OXCT1: variants seen among roughly 807,000 people sequenced by gnomAD.
The protein encoded by OXCT1 is 3-oxoacid CoA-transferase 1.
OXCT1 carries 27 observed loss-of-function variants against 69.6 expected under a neutral mutation model. That is an observed-to-expected ratio of 0.39 (90% CI 0.29 to 0.54). The LOEUF is 0.54. OXCT1 is among the 20% of genes least tolerant of loss of function. The probability of loss-of-function intolerance (pLI) is 0.72; values close to 1 mark genes in which losing one functional copy is unlikely to be tolerated. For missense variants in OXCT1, 437 were observed against 650.2 expected, an observed-to-expected ratio of 0.67 and a Z score of 3.57; for synonymous variants, 202 against 217.8, an observed-to-expected ratio of 0.93 and a Z score of 0.64.
At chr5:41,774,679 A>G (rs1024342768) in intron 13 of OXCT1, among the ~76,000 whole-genome samples, 2 of 152,154 alleles carry the variant, frequency 1.3e-5, no homozygotes, top group Non-Finnish European at 2.9e-5. Flanking sequence ...GTGGATCACG[A>G]GGTCAGGAGA....
At chr5:41,731,825 C>A (rs779653264) in intron 16 of OXCT1, 55 bp from the exon 17 acceptor site, 95 of 1,563,604 alleles carry the variant, frequency 6.1e-5, no homozygotes, top group Non-Finnish European at 7.0e-5. Context: ...ATATAAATCT[C>A]TCTCCTTTTA....
intron 7 of OXCT1, among the ~76,000 whole-genome samples, chr5:41,829,729 AT>A (rs1220737091): frequency 6.6e-6 from 1 of 152,184 alleles, no homozygotes; most frequent in African/African-American, 2.4e-5. Context: ...CAGTAAGTTA[AT>A]ACTAGGCATT....
chr5:41,817,407 A>C (rs2112317378), intron 7 of OXCT1, among the ~76,000 whole-genome samples: 2 of 152,342 alleles, frequency 1.3e-5, no homozygotes, highest in South Asian at 4.1e-4. Context: ...TATTCTTCCC[A>C]GCACTTGCAT....
At chr5:41,778,584 C>G (rs1212568675) in intron 13 of OXCT1, among the ~76,000 whole-genome samples, 1 of 152,186 alleles carries the variant, frequency 6.6e-6, no homozygotes, top group African/African-American at 2.4e-5. Context: ...GCCAACTGCT[C>G]TATCTGGACC....
At chr5:41,848,748 T>C (rs1749044655) in intron 5 of OXCT1, among the ~76,000 whole-genome samples, 1 of 151,962 alleles carries the variant, frequency 6.6e-6, no homozygotes, top group South Asian at 2.1e-4. Flanking sequence ...AAGCTGAAAC[T>C]GGATCCCTTC....
In OXCT1 at chr5:41,807,358, CT is replaced by C; in HGVS notation, c.812del (p.Lys271ArgfsTer31). ...CAATTCTTTTCTCATATTTTTCTCC[CT>C]TTATAAGGCGATGTACATAAATCTG... ...IPQIYVHRLIKGEKYEKRIER... is the reference protein window; with the variant it reads ...IPQIYVHRLIXGEKYEKRIER... On this transcript the variant is annotated frameshift_variant, in exon 8 of 17. Transcript: ENST00000196371. LOFTEE classifies it high-confidence loss of function. 1 of 1,589,904 alleles carries C rather than the reference CT, an allele frequency of 6.3e-7. No individual in the cohort carries two copies. The highest frequency in any genetic ancestry group is 8.6e-7 in the Non-Finnish European group (1 of 1,158,624).
rs1043726252 is a variant in OXCT1, at chr5:41,782,074, G to T, written c.1248+11929C>A. 1.2e-3 allele frequency among the ~76,000 whole-genome samples: 181 copies of T among 151,044 alleles called. 2 individuals are homozygous for T. Among genetic ancestry groups the T allele is most frequent in the Non-Finnish European group, 1.6e-4 (11 of 67,858 alleles). On this transcript the variant is annotated intron_variant, in intron 13 of 16. Transcript: ENST00000196371. ...GAATTAATTTACACTCCCACCAACA[G>T]TGTAAAAGTGTTCCTTTTTCTCCAC...
intron 1 of OXCT1, chr5:41,869,970 G>T: frequency 7.0e-6 from 3 of 428,950 alleles, no homozygotes; most frequent in South Asian, 6.4e-5. Flanking sequence ...CAGGAGGGAA[G>T]CCGACGAGCG....
At chr5:41,784,808 T>G (rs761999664) in intron 13 of OXCT1, among the ~76,000 whole-genome samples, 1 of 152,222 alleles carries the variant, frequency 6.6e-6, no homozygotes, top group African/African-American at 2.4e-5. Flanking sequence ...TTGTAAAAAA[T>G]AGATTTAGAA....
At chr5:41,864,462 C>T (rs1749872327) in intron 1 of OXCT1, among the ~76,000 whole-genome samples, 1 of 152,090 alleles carries the variant, frequency 6.6e-6, no homozygotes, top group East Asian at 1.9e-4. Context: ...AAAGAGTTTT[C>T]CCTCTTTTCT....
intron 15 of OXCT1, among the ~76,000 whole-genome samples, chr5:41,748,993 C>T (rs1743638617): frequency 2.0e-5 from 3 of 151,934 alleles, no homozygotes; most frequent in Admixed American, 2.0e-4. Flanking sequence ...CCAATATGTT[C>T]CATCTAGTAA....
chr5:41,847,478 A>G (rs201599120), intron 5 of OXCT1, among the ~76,000 whole-genome samples: 16 of 151,422 alleles, frequency 1.1e-4, no homozygotes, highest in South Asian at 2.1e-4. Context: ...ACTCAACCAA[A>G]AAAGAGAATT....
At chr5:41,734,215 C>T (rs1364332585) in intron 16 of OXCT1, among the ~76,000 whole-genome samples, 3 of 152,172 alleles carry the variant, frequency 2.0e-5, no homozygotes, top group Non-Finnish European at 4.4e-5. Flanking sequence ...TATTTTACAG[C>T]TCAATATGGA....
chr5:41,750,160 T>TTC (rs1743708129), intron 14 of OXCT1, among the ~76,000 whole-genome samples: 2 of 135,976 alleles, frequency 1.5e-5, no homozygotes, highest in Non-Finnish European at 3.2e-5. Flanking sequence ...TTTTTTTTTT[T>TTC]AGCATTTTCT....
chr5:41,825,611 T>C lies in OXCT1; in HGVS notation c.732+14840A>G, dbSNP rs183671120. Among the ~76,000 whole-genome samples the C allele has an allele frequency of 1.1e-4, 17 of 152,292 alleles. No individual in the cohort carries two copies. In the East Asian group the frequency reaches 2.9e-3, roughly 26 times the overall value. Reference sequence around the variant, plus strand: ...GTTCAGGGAGTTGTATGCCCACAGGTGAACAGAAAGCATCAGTATCTGAGG... The same window carrying C: ...GTTCAGGGAGTTGTATGCCCACAGGCGAACAGAAAGCATCAGTATCTGAGG... On this transcript the variant is annotated intron_variant, in intron 7 of 16. Transcript: ENST00000196371.
chr5:41,867,311 A>G (rs572053906), intron 1 of OXCT1, among the ~76,000 whole-genome samples: 40 of 152,352 alleles, frequency 2.6e-4, no homozygotes, highest in Middle Eastern at 3.4e-3. Context: ...TGGGGCTACA[A>G]AGTTAAAATA....
intron 15 of OXCT1, among the ~76,000 whole-genome samples, chr5:41,747,699 A>T (rs185579426): frequency 2.0e-5 from 3 of 152,232 alleles, no homozygotes; most frequent in Admixed American, 2.0e-4. Flanking sequence ...GAAGAATGGA[A>T]TGTAGTTCAC....
chr5:41,782,598 GT>G lies in OXCT1; in HGVS notation c.1248+11404del, dbSNP rs994359647. On this transcript the variant is annotated intron_variant, in intron 13 of 16. Transcript: ENST00000196371. ...CTTTGCCCACTTTTTAATGGGGTTA[GT>G]TTTTTTTTGTAAATATGCTTAAGTT... Among the ~76,000 whole-genome samples the G allele has an allele frequency of 3.2e-4, 48 of 151,346 alleles. No individual in the cohort carries two copies. In the South Asian group the frequency reaches 8.2e-3, roughly 26 times the overall value.
intron 11 of OXCT1, among the ~76,000 whole-genome samples, chr5:41,798,041 C>T (rs1746258873): frequency 6.6e-6 from 1 of 151,930 alleles, no homozygotes; most frequent in African/African-American, 2.4e-5. Flanking sequence ...GAAAAATGGG[C>T]TGGAACTTGA....
Sources: gnomAD v4.1 joint callset for allele counts (sites outside exome capture counted in the v4.1 genomes callset) on GRCh38, gnomAD v4.1.1 for gene constraint, MANE v1.5 for transcripts, NCBI Gene and HGNC (gene_info 2026-07-23, HGNC 2026-07-21) for gene names.